Variants in PAQR5 observed in about 807,000 individuals in gnomAD.
PAQR5 encodes the protein progestin and adipoQ receptor family member 5.
Under a neutral mutation model 34.5 loss-of-function variants are expected in PAQR5, and 20 were observed. The ratio of observed to expected loss-of-function variants is 0.58; its 90% CI spans 0.41 to 0.84. The LOEUF (loss-of-function observed/expected upper bound fraction) is 0.84. Ranked by LOEUF, PAQR5 falls within the 40% of genes least tolerant of loss-of-function variation. The probability of loss-of-function intolerance (pLI) is 0.00; values close to 1 mark genes in which losing one functional copy is unlikely to be tolerated. For synonymous variants in PAQR5, 131 were observed against 155.6 expected (o/e 0.84, Z 1.18); for missense variants, 378 against 412.7 (o/e 0.92, Z 0.73).
chr15:69,329,814 A>G (rs2054340132), intron 1 of PAQR5, among the ~76,000 whole-genome samples: 1 of 152,064 alleles, frequency 6.6e-6, no homozygotes, highest in African/African-American at 2.4e-5. Context: ...TCATCCTAAA[A>G]GTTTTTGCCG....
chr15:69,401,729 A>T (rs1322276562), intron 8 of PAQR5, among the ~76,000 whole-genome samples: 3 of 152,344 alleles, frequency 2.0e-5, no homozygotes, highest in Middle Eastern at 6.8e-3. Context: ...GATTTGGAAC[A>T]TTCTCAGTCC....
At chr15:69,328,841 C>T (rs1366882775) in intron 1 of PAQR5, among the ~76,000 whole-genome samples, 2 of 152,208 alleles carry the variant, frequency 1.3e-5, no homozygotes, top group Non-Finnish European at 2.9e-5. Flanking sequence ...AGTCAGAGGG[C>T]AAGGCCAGTG....
chr15:69,321,504 A>G (rs2054096114), intron 1 of PAQR5, among the ~76,000 whole-genome samples: 1 of 152,252 alleles, frequency 6.6e-6, no homozygotes, highest in African/African-American at 2.4e-5. Context: ...TAACCACAGT[A>G]CTATTACTGT....
Position 69,303,715 on chromosome 15 carries a change from G to C in PAQR5, c.-277+4659G>C, listed in dbSNP as rs369997419. On this transcript the variant is annotated intron_variant, in intron 1 of 8. Transcript: ENST00000395407. ...CCATGGACTTGGGCTAGGGATAACC[G>C]ACCAGTCTGAGAAATGCAGCCAGAG... 5.5e-4 allele frequency among the ~76,000 whole-genome samples: 83 copies of C among 152,220 alleles called. 2 individuals carry two copies. In the South Asian group the frequency reaches 0.017, roughly 32 times the overall value.
intron 3 of PAQR5, among the ~76,000 whole-genome samples, chr15:69,361,794 GAC>G (rs906109576): frequency 2.6e-5 from 4 of 152,172 alleles, no homozygotes; most frequent in African/African-American, 9.7e-5. Context: ...TTTGAATGGG[GAC>G]ACAGAGCCAA....
At chr15:69,369,018 C>T (rs1445405425) in intron 3 of PAQR5, among the ~76,000 whole-genome samples, 1 of 152,210 alleles carries the variant, frequency 6.6e-6, no homozygotes, top group Non-Finnish European at 1.5e-5. Context: ...GAAATCCACC[C>T]ACCACGGCCC....
chr15:69,376,940 G>C (rs1567028933), intron 3 of PAQR5, among the ~76,000 whole-genome samples: 1 of 152,124 alleles, frequency 6.6e-6, no homozygotes, highest in Non-Finnish European at 1.5e-5. Flanking sequence ...TCTAGCTTCT[G>C]TCCAGCCACT....
At chr15:69,360,233 G>A (rs542192123) in intron 3 of PAQR5, 102 bp downstream of exon 3, 6 of 791,500 alleles carry the variant, frequency 7.6e-6, no homozygotes, top group Admixed American at 6.6e-5. Context: ...TTCTGTACAG[G>A]CCCATTCCCT....
At chr15:69,382,208 A>G (rs1337613275) in intron 4 of PAQR5, among the ~76,000 whole-genome samples, 4 of 152,188 alleles carry the variant, frequency 2.6e-5, no homozygotes, top group Non-Finnish European at 4.4e-5. Context: ...CAAGAGGGAC[A>G]TAGACAAACT....
chr15:69,393,934 G>A (rs998101449), intron 6 of PAQR5, among the ~76,000 whole-genome samples: 9 of 152,134 alleles, frequency 5.9e-5, no homozygotes, highest in African/African-American at 1.4e-4. Context: ...GAGAGAATGC[G>A]TGCCCTCTTC....
intron 1 of PAQR5, among the ~76,000 whole-genome samples, chr15:69,322,284 C>G (rs926548132): frequency 6.7e-6 from 1 of 149,844 alleles, no homozygotes; most frequent in Non-Finnish European, 1.5e-5. Context: ...TCGAGACCAG[C>G]CTGGCCATCC....
chr15:69,372,438 G>A (rs534436907), intron 3 of PAQR5, among the ~76,000 whole-genome samples: 1 of 152,280 alleles, frequency 6.6e-6, no homozygotes, highest in African/African-American at 2.4e-5. Context: ...AGCTACTCAG[G>A]AGGATGAGGC....
At position 69,403,732 on chromosome 15, in the gene PAQR5, G is replaced by C; in HGVS notation, c.903G>C (p.Leu301=). ...SFSQIAGAIL[L]CIIFSLSNII... ...CTCAGATAGCTGGAGCCATACTTCT[G>C]TGCATCATCTTCAGCCTCAGCAACA... The change falls in exon 9 of 9, where the codon CTG becomes CTC. Residue 301 remains leucine, a synonymous_variant. Transcript: ENST00000395407. 1 of 1,614,186 alleles carries C rather than the reference G, an allele frequency of 6.2e-7. No homozygotes were observed. Among genetic ancestry groups the C allele is most frequent in the Non-Finnish European group, 8.5e-7 (1 of 1,180,036 alleles).
chr15:69,354,738 C>T lies in PAQR5; in HGVS notation c.-115-5228C>T, dbSNP rs76846084. On this transcript the variant is annotated intron_variant, in intron 2 of 8. Coordinates refer to ENST00000395407, the MANE Select transcript of PAQR5 (RefSeq NM_017705.4). ...TAAGCGTGATTTCTGGGTGTGTCTG[C>T]GAGGATGTTTCCAGAGGAGATCGGG... is the stretch of plus-strand genomic sequence containing the variant. Among the ~76,000 whole-genome samples the T allele has an allele frequency of 9.6e-3, 1,459 of 152,158 alleles. 23 individuals carry two copies. Among genetic ancestry groups the T allele is most frequent in the African/African-American group, 0.032 (1,344 of 41,498 alleles).
At chr15:69,348,073 A>G (rs1195530106) in intron 2 of PAQR5, among the ~76,000 whole-genome samples, 2 of 152,010 alleles carry the variant, frequency 1.3e-5, no homozygotes, top group African/African-American at 4.8e-5. Context: ...CATCCTTCCC[A>G]TCCCTGACTC....
At chr15:69,394,857 C>CTT (rs1491429322) in intron 6 of PAQR5, among the ~76,000 whole-genome samples, 1 of 152,248 alleles carries the variant, frequency 6.6e-6, no homozygotes, top group East Asian at 1.9e-4. Context: ...GCCCTTCTGC[C>CTT]TTTTTCTCTC....
intron 2 of PAQR5, among the ~76,000 whole-genome samples, chr15:69,351,873 C>G (rs2054928852): frequency 6.6e-6 from 1 of 152,162 alleles, no homozygotes; most frequent in African/African-American, 2.4e-5. Flanking sequence ...TTGGCCCCTC[C>G]TACAACCAAG....
chr15:69,360,121 A>G lies in PAQR5; in HGVS notation c.41A>G (p.Gln14Arg). 6.2e-7 allele frequency: 1 copy of G among 1,613,130 alleles called. No individual in the cohort carries two copies. The highest frequency in any genetic ancestry group is 8.5e-7 in the Non-Finnish European group (1 of 1,179,094). Residue 14 changes from glutamine (Q) to arginine (R), a missense_variant, in exon 3 of 9, where the codon CAG becomes CGG. Physicochemically the swap from Gln to Arg is conservative, Grantham distance 43. Transcript: ENST00000395407. ...LKLPRLFSID[Q>R]IPQVFHEQGI... ...CTCCCCAGGCTGTTTAGCATAGACC[A>G]GATACCCCAGGTATGTGCTCTATTG... is the stretch of plus-strand genomic sequence containing the variant.
chr15:69,305,777 G>A (rs1368256417), intron 1 of PAQR5, among the ~76,000 whole-genome samples: 1 of 152,096 alleles, frequency 6.6e-6, no homozygotes, highest in Non-Finnish European at 1.5e-5. Flanking sequence ...GCCTACCCTG[G>A]GTTTTATTTT....
Sources: gnomAD v4.1 joint callset for allele counts (sites outside exome capture counted in the v4.1 genomes callset) on GRCh38, gnomAD v4.1.1 for gene constraint, MANE v1.5 for transcripts, NCBI Gene and HGNC (gene_info 2026-07-23, HGNC 2026-07-21) for gene names.